The following SPAG16 variants were observed in gnomAD, a reference collection of about 807,000 sequenced individuals.
SPAG16 encodes the protein sperm associated antigen 16, also known as sperm-associated antigen 16 protein.
Under a neutral mutation model 80.4 loss-of-function variants are expected in SPAG16, and 86 were observed. The observed-to-expected ratio is 1.07, with a 90% confidence interval of 0.90 to 1.28. The LOEUF is 1.28. SPAG16 is among the 50% of genes most tolerant of loss of function. The probability of loss-of-function intolerance (pLI) is 0.00; values close to 1 mark genes in which losing one functional copy is unlikely to be tolerated. For synonymous variants in SPAG16, 294 were observed against 265.9 expected (o/e 1.11, Z -1.03); for missense variants, 870 against 765.3 (o/e 1.14, Z -1.61).
intron 9 of SPAG16, among the ~76,000 whole-genome samples, chr2:213,406,042 T>G (rs2068591324): frequency 6.6e-6 from 1 of 152,094 alleles, no homozygotes; most frequent in Non-Finnish European, 1.5e-5. Context: ...TAGTCAAAAG[T>G]GAGGTTGCCT....
intron 13 of SPAG16, among the ~76,000 whole-genome samples, chr2:214,070,617 ATTGTT>A (rs939655005): frequency 2.0e-5 from 3 of 151,966 alleles, no homozygotes; most frequent in African/African-American, 7.2e-5. Flanking sequence ...CCTAGTAAGT[ATTGTT>A]TTTTGTCTTT....
chr2:213,437,579 C>G (rs982991999), intron 9 of SPAG16, among the ~76,000 whole-genome samples: 1 of 152,148 alleles, frequency 6.6e-6, no homozygotes, highest in African/African-American at 2.4e-5. Flanking sequence ...GACTTCAATG[C>G]CCTCACAAAT....
chr2:214,280,700 T>C (rs1692857100), intron 15 of SPAG16: 2 of 352,592 alleles, frequency 5.7e-6, no homozygotes, highest in Admixed American at 3.1e-5. Context: ...ACCTGATCTT[T>C]CTTCTGAGCA....
At chr2:214,299,486 C>G (rs965198890) in intron 15 of SPAG16, among the ~76,000 whole-genome samples, 10 of 151,866 alleles carry the variant, frequency 6.6e-5, no homozygotes, top group Non-Finnish European at 1.3e-4. Flanking sequence ...TTGACCTCAT[C>G]ATTCGCCTGC....
chr2:214,133,092 CAAATA>C (rs371885252), intron 14 of SPAG16, among the ~76,000 whole-genome samples: 12 of 142,022 alleles, frequency 8.4e-5, no homozygotes, highest in South Asian at 2.3e-4. Context: ...AACTCCATCT[CAAATA>C]AAATAAAATA....
rs1353538443 is a variant in SPAG16, at chr2:214,273,239, G to A, written c.1720+123973G>A. 2.0e-5 allele frequency among the ~76,000 whole-genome samples: 3 copies of A among 152,156 alleles called. No homozygotes were observed. The East Asian group carries it at 5.8e-4, about 29-fold the overall frequency. On this transcript the variant is annotated intron_variant, in intron 15 of 15. Coordinates refer to ENST00000331683, the MANE Select transcript of SPAG16 (RefSeq NM_024532.5). The stretch of plus-strand genomic sequence containing the variant: ...CGCAAAAATTTTCTCCCATTCTGTA[G>A]GTTGCCTGTTCACTCTAATGGTAGT...
At position 213,494,712 on chromosome 2, in the gene SPAG16, C is replaced by A. The variant is rs149578962; in HGVS notation, c.1070+4622C>A. ...CCTGCTTTAAATACAATGATGTCTT[C>A]CCCTTGTTGAAAAAATAAAACCCAA... On this transcript the variant is annotated intron_variant, in intron 10 of 15. Transcript: ENST00000331683. Among the ~76,000 whole-genome samples the A allele has an allele frequency of 3.7e-3, 562 of 152,276 alleles. 9 individuals carry two copies. The highest frequency in any genetic ancestry group is 0.024 in the Middle Eastern group (7 of 294).
chr2:213,838,593 C>T (rs1279021186), intron 10 of SPAG16, among the ~76,000 whole-genome samples: 1 of 152,152 alleles, frequency 6.6e-6, no homozygotes, highest in Non-Finnish European at 1.5e-5. Flanking sequence ...TCTTAATTAG[C>T]TTTTATTTAT....
intron 10 of SPAG16, among the ~76,000 whole-genome samples, chr2:213,507,822 T>C (rs545285644): frequency 6.6e-6 from 1 of 152,268 alleles, no homozygotes; most frequent in Non-Finnish European, 1.5e-5. Context: ...TGTGTGATTC[T>C]AGAAGGCGGG....
intron 13 of SPAG16, among the ~76,000 whole-genome samples, chr2:214,014,438 A>G (rs1039998422): frequency 6.6e-6 from 1 of 152,208 alleles, no homozygotes; most frequent in African/African-American, 2.4e-5. Flanking sequence ...ATGAAATGAG[A>G]CATGCGTTAA....
At chr2:214,021,457 G>A (rs934401380) in intron 13 of SPAG16, among the ~76,000 whole-genome samples, 14 of 151,996 alleles carry the variant, frequency 9.2e-5, no homozygotes, top group South Asian at 2.1e-4. Flanking sequence ...GGAAACTCCC[G>A]TTTTTAAAAC....
chr2:213,973,212 A>T (rs577200868), intron 12 of SPAG16, among the ~76,000 whole-genome samples: 14 of 152,268 alleles, frequency 9.2e-5, no homozygotes, highest in African/African-American at 3.1e-4. Flanking sequence ...CCCAGTATAT[A>T]CAGGCACTTT....
chr2:214,106,061 C>A (rs1241713014), intron 13 of SPAG16, among the ~76,000 whole-genome samples: 1 of 151,998 alleles, frequency 6.6e-6, no homozygotes, highest in East Asian at 1.9e-4. Context: ...CTACACTTTT[C>A]ATTACCAATT....
intron 10 of SPAG16, among the ~76,000 whole-genome samples, chr2:213,740,535 A>G (rs1289448241): frequency 6.6e-6 from 1 of 152,254 alleles, no homozygotes; most frequent in Non-Finnish European, 1.5e-5. Context: ...AGTTCAGGCC[A>G]TCATCATTTG....
intron 10 of SPAG16, among the ~76,000 whole-genome samples, chr2:213,847,862 G>GACACACAC (rs71063790): frequency 1.3e-5 from 2 of 149,872 alleles, no homozygotes; most frequent in African/African-American, 4.9e-5. Context: ...ATAAACAAAT[G>GACACACAC]ACACACACAC....
intron 10 of SPAG16, among the ~76,000 whole-genome samples, chr2:213,819,583 C>T (rs891705104): frequency 2.0e-5 from 3 of 152,026 alleles, no homozygotes; most frequent in African/African-American, 4.8e-5. Context: ...CTACTTCTGT[C>T]ACCCAGGCTA....
intron 10 of SPAG16, among the ~76,000 whole-genome samples, chr2:213,505,251 C>T (rs1481384490): frequency 6.6e-6 from 1 of 152,056 alleles, no homozygotes; most frequent in Admixed American, 6.6e-5. Flanking sequence ...TTCAAATGTA[C>T]AATGTCAAAA....
intron 11 of SPAG16, among the ~76,000 whole-genome samples, chr2:213,902,804 A>G (rs543660393): frequency 2.0e-5 from 3 of 152,326 alleles, no homozygotes; most frequent in Admixed American, 6.5e-5. Flanking sequence ...CCTTCTGCCT[A>G]TGAGCCTGTA....
At position 213,900,122 on chromosome 2, in the gene SPAG16, G is replaced by T. The variant is rs373698179; in HGVS notation, c.1215-29838G>T. ...ACTCAGCATCACACTCACATATTTT[G>T]GTTACCATGTATTCCTAAAATGCAG... On this transcript the variant is annotated intron_variant, in intron 11 of 15. Coordinates refer to ENST00000331683, the MANE Select transcript of SPAG16 (RefSeq NM_024532.5). Among the ~76,000 whole-genome samples, 111 of 152,162 alleles carry T rather than the reference G, an allele frequency of 7.3e-4. 1 individual carries two copies. In the South Asian group the frequency reaches 0.016, roughly 21 times the overall value.
Sources: gnomAD v4.1 joint callset for allele counts (sites outside exome capture counted in the v4.1 genomes callset) on GRCh38, gnomAD v4.1.1 for gene constraint, MANE v1.5 for transcripts, NCBI Gene and HGNC (gene_info 2026-07-23, HGNC 2026-07-21) for gene names.